SRL: variants seen among roughly 807,000 people sequenced by gnomAD.
SRL encodes sarcalumenin.
SRL carries 23 observed loss-of-function variants against 39.5 expected under a neutral mutation model. That is an observed-to-expected ratio of 0.58 (90% CI 0.42 to 0.82). The LOEUF (loss-of-function observed/expected upper bound fraction) is 0.82, where lower values mean the gene tolerates loss of function less well. Ranked by LOEUF, SRL falls within the 40% of genes least tolerant of loss-of-function variation. The pLI is 0.00. For synonymous variants in SRL, 272 were observed against 237.4 expected (o/e 1.15, Z -1.34); for missense variants, 592 against 607.8 (o/e 0.97, Z 0.27).
intron 1 of SRL, chr16:4,207,902 G>A (rs1384783976): frequency 1.3e-5 from 6 of 456,552 alleles, no homozygotes; most frequent in Admixed American, 2.4e-5. Flanking sequence ...CGGGGCCCGC[G>A]CTGGCGGCAG....
intron 1 of SRL, chr16:4,207,455 T>A: frequency 2.2e-6 from 1 of 456,858 alleles, no homozygotes; most frequent in South Asian, 1.5e-5. Flanking sequence ...CCTCTGGCAC[T>A]GCAGGCTCCT....
intron 1 of SRL, among the ~76,000 whole-genome samples, chr16:4,217,620 T>A (rs568092062): frequency 6.6e-5 from 10 of 152,256 alleles, no homozygotes; most frequent in African/African-American, 2.4e-4. Context: ...CTTGGGTTGC[T>A]CCTTACTCCC....
chr16:4,230,738 G>C (rs1012010778), intron 1 of SRL, among the ~76,000 whole-genome samples: 13 of 152,106 alleles, frequency 8.5e-5, no homozygotes, highest in Non-Finnish European at 1.6e-4. Flanking sequence ...AATTAGTTAA[G>C]ATGAGATCAT....
chr16:4,208,551 G>T (rs1597278308), intron 1 of SRL, among the ~76,000 whole-genome samples: 1 of 152,194 alleles, frequency 6.6e-6, no homozygotes, highest in South Asian at 2.1e-4. Context: ...AGGGACAAAT[G>T]CTTGTGCATC....
chr16:4,205,009 G>C (rs1453722419), intron 1 of SRL, among the ~76,000 whole-genome samples: 1 of 152,202 alleles, frequency 6.6e-6, no homozygotes, highest in Non-Finnish European at 1.5e-5. Context: ...GTCCAGTGGA[G>C]TCAGAGATGA....
intron 1 of SRL, among the ~76,000 whole-genome samples, chr16:4,240,772 GGA>G (rs2052764525): frequency 6.6e-6 from 1 of 152,192 alleles, no homozygotes; most frequent in Admixed American, 6.5e-5. Flanking sequence ...GGCCACGAAG[GGA>G]GAGGGTGGCA....
rs770041670 is a variant in SRL at position 4,228,537 on chromosome 16, C to T, written c.61+13470G>A. On this transcript the variant is annotated intron_variant, in intron 1 of 5. Coordinates refer to ENST00000399609, the MANE Select transcript of SRL (RefSeq NM_001098814.2). ...GATCACTAGGTCAGGAGATCGAGAC[C>T]ATCCTGGCTAACACGGTGAAACCCC... 4.6e-5 allele frequency among the ~76,000 whole-genome samples: 7 copies of T among 151,966 alleles called. No individual in the cohort carries two copies. In the South Asian group the frequency reaches 6.2e-4, roughly 14 times the overall value.
At chr16:4,195,076 G>A (rs2141022242) in intron 5 of SRL, among the ~76,000 whole-genome samples, 1 of 151,830 alleles carries the variant, frequency 6.6e-6, no homozygotes, top group East Asian at 1.9e-4. Flanking sequence ...TATATTTTTT[G>A]TAGAGGCGGG....
chr16:4,230,498 AG>A (rs1356248824), intron 1 of SRL, among the ~76,000 whole-genome samples: 1 of 150,882 alleles, frequency 6.6e-6, no homozygotes, highest in Admixed American at 6.6e-5. Flanking sequence ...CTCCTGCCTC[AG>A]CCCCCCAAGT....
intron 1 of SRL, among the ~76,000 whole-genome samples, chr16:4,227,292 G>A (rs2052604405): frequency 6.6e-6 from 1 of 151,730 alleles, no homozygotes; most frequent in Non-Finnish European, 1.5e-5. Context: ...ACAGATAAAT[G>A]GATGGATGAC....
intron 1 of SRL, among the ~76,000 whole-genome samples, chr16:4,212,002 G>T (rs1022416366): frequency 6.6e-6 from 1 of 152,334 alleles, no homozygotes; most frequent in Admixed American, 6.5e-5. Context: ...CCCTGGTAAA[G>T]GTGAGAGGGC....
rs373144625 is a variant in SRL at position 4,192,608 on chromosome 16, C to G, written c.967G>C (p.Glu323Gln). 2 of 1,614,144 alleles carry G rather than the reference C, an allele frequency of 1.2e-6. No homozygotes were observed. The highest frequency in any genetic ancestry group is 3.3e-5 in the Admixed American group (2 of 60,006). The change falls in exon 6 of 6, where the codon GAG becomes CAG. Residue 323 changes from glutamate to glutamine, a missense_variant. Transcript: ENST00000399609. The surrounding 1 kb of genome is among the most constrained non-coding windows in gnomAD (Gnocchi z 4.0). ...SLLEDLNQVI[E>Q]NRLENKIAFI... ...GCAATCTTGTTCTCCAGTCTGTTCT[C>G]GATCACCTGATTCAGGTCTTCTAGG...
intron 1 of SRL, among the ~76,000 whole-genome samples, chr16:4,215,472 A>G (rs1025167098): frequency 1.3e-5 from 2 of 152,232 alleles, no homozygotes; most frequent in Admixed American, 6.5e-5. Context: ...ATCTTCTGAT[A>G]GACCAACTGG....
intron 1 of SRL, among the ~76,000 whole-genome samples, chr16:4,210,486 C>CTCTTT (rs747968280): frequency 3.8e-5 from 4 of 104,014 alleles, no homozygotes; most frequent in Non-Finnish European, 7.1e-5. Flanking sequence ...TTACTCATAT[C>CTCTTT]TTTTTTTTTT....
At chr16:4,211,249 C>A (rs1370535951) in intron 1 of SRL, among the ~76,000 whole-genome samples, 3 of 152,236 alleles carry the variant, frequency 2.0e-5, no homozygotes, top group Admixed American at 2.0e-4. Context: ...CAGGCTTCAG[C>A]TCCCAGGCCC....
At chr16:4,228,455 G>A (rs2052616614) in intron 1 of SRL, among the ~76,000 whole-genome samples, 1 of 151,796 alleles carries the variant, frequency 6.6e-6, no homozygotes, top group African/African-American at 2.4e-5. Context: ...AAACAAAAAG[G>A]CTGGACGCAG....
chr16:4,224,846 T>A (rs765584517), intron 1 of SRL, among the ~76,000 whole-genome samples: 1 of 152,176 alleles, frequency 6.6e-6, no homozygotes, highest in Non-Finnish European at 1.5e-5. Flanking sequence ...AGCCCGACTG[T>A]CCATCAGTAG....
rs71394664 is a variant in SRL, at chr16:4,220,278, AACACAC to A, written c.62-15650_62-15645del. On this transcript the variant is annotated intron_variant, in intron 1 of 5. Coordinates refer to ENST00000399609, the MANE Select transcript of SRL (RefSeq NM_001098814.2). ...CATAGCGAAAATCTGTCTCTACTAA[AACACAC>A]ACACACACACACACACACACACACA... 2.8e-5 allele frequency among the ~76,000 whole-genome samples: 4 copies of A among 140,802 alleles called. 1 individual carries two copies. The highest frequency in any genetic ancestry group is 2.3e-4 in the South Asian group (1 of 4,286). 92.4% of individuals were successfully genotyped at this position (140,802 alleles called of 152,430 possible).
At chr16:4,208,568 C>T (rs1238575191) in intron 1 of SRL, among the ~76,000 whole-genome samples, 2 of 152,352 alleles carry the variant, frequency 1.3e-5, no homozygotes, top group Non-Finnish European at 2.9e-5. Flanking sequence ...CATCCCACCT[C>T]ATGGCAGTTC....
Sources: gnomAD v4.1 joint callset for allele counts (sites outside exome capture counted in the v4.1 genomes callset) on GRCh38, gnomAD v4.1.1 for gene constraint, Gnocchi (gnomAD v3.1) non-coding constraint, MANE v1.5 for transcripts, NCBI Gene and HGNC (gene_info 2026-07-23, HGNC 2026-07-21) for gene names.